KLF13: variants seen among roughly 807,000 people sequenced by gnomAD.
KLF13 encodes the protein KLF transcription factor 13, also known as Krueppel-like factor 13.
Under a neutral mutation model 16.7 loss-of-function variants are expected in KLF13, and 8 were observed. The ratio of observed to expected loss-of-function variants is 0.48; its 90% confidence interval spans 0.28 to 0.87. The LOEUF (loss-of-function observed/expected upper bound fraction) is 0.87, where lower values mean the gene tolerates loss of function less well. Among genes scored for constraint, KLF13 ranks in the 40% least tolerant of loss-of-function variants. The pLI is 0.10. For missense variants in KLF13, 447 were observed against 452.2 expected (o/e 0.99, Z 0.10); for synonymous variants, 245 against 208.4 (o/e 1.18, Z -1.51).
intron 1 of KLF13, among the ~76,000 whole-genome samples, chr15:31,384,170 G>C (rs1352741050): frequency 6.6e-6 from 1 of 152,168 alleles, no homozygotes; most frequent in Non-Finnish European, 1.5e-5. Context: ...CAGGTGAGGT[G>C]GCTCATGCCT....
chr15:31,430,175 T>A (rs2040455425), intron 1 of KLF13, among the ~76,000 whole-genome samples: 1 of 152,106 alleles, frequency 6.6e-6, no homozygotes, highest in Admixed American at 6.6e-5. Flanking sequence ...CTTTTCTTCA[T>A]CAAAGGACAC....
At chr15:31,362,252 T>G (rs2039401519) in intron 1 of KLF13, among the ~76,000 whole-genome samples, 1 of 152,240 alleles carries the variant, frequency 6.6e-6, no homozygotes, top group African/African-American at 2.4e-5. Context: ...TCTAAACTGC[T>G]GGGCCTATCA....
intron 1 of KLF13, among the ~76,000 whole-genome samples, chr15:31,411,562 A>ATT (rs542831225): frequency 0.078 from 10,746 of 137,624 alleles, 1,193 homozygotes; most frequent in African/African-American, 0.24. Context: ...CACCTGGCTA[A>ATT]TTTTTTTTTT....
At chr15:31,341,567 C>T (rs1241221393) in intron 1 of KLF13, among the ~76,000 whole-genome samples, 2 of 132,294 alleles carry the variant, frequency 1.5e-5, no homozygotes, top group African/African-American at 2.9e-5. Flanking sequence ...GGCTGGGTCT[C>T]AGTCTGTCAC....
intron 1 of KLF13, among the ~76,000 whole-genome samples, chr15:31,365,224 C>A (rs181838141): frequency 1.3e-5 from 2 of 152,084 alleles, no homozygotes; most frequent in Non-Finnish European, 2.9e-5. Context: ...GGAAGCCTCT[C>A]CCTGTGCCTC....
At chr15:31,354,002 G>T (rs1024544431) in intron 1 of KLF13, among the ~76,000 whole-genome samples, 2 of 152,252 alleles carry the variant, frequency 1.3e-5, no homozygotes, top group African/African-American at 4.8e-5. Context: ...CCAGGACCCA[G>T]GTTGTAGTGT....
At chr15:31,347,434 G>A (rs759952054) in intron 1 of KLF13, among the ~76,000 whole-genome samples, 2 of 152,184 alleles carry the variant, frequency 1.3e-5, no homozygotes, top group East Asian at 1.9e-4. Context: ...TGGCAAGCCC[G>A]CTAGAACCTG....
intron 1 of KLF13, among the ~76,000 whole-genome samples, chr15:31,362,265 C>T (rs1333639346): frequency 2.0e-5 from 3 of 152,232 alleles, no homozygotes; most frequent in Admixed American, 6.5e-5. Flanking sequence ...GCCTATCAAA[C>T]AATTTATCAG....
chr15:31,356,227 G>A (rs952980899), intron 1 of KLF13, among the ~76,000 whole-genome samples: 7 of 152,214 alleles, frequency 4.6e-5, no homozygotes, highest in African/African-American at 1.4e-4. Context: ...CCTCTTTTGT[G>A]TCCCTGTGTA....
At chr15:31,421,503 A>G (rs147026648) in intron 1 of KLF13, among the ~76,000 whole-genome samples, 20 of 152,340 alleles carry the variant, frequency 1.3e-4, no homozygotes, top group Non-Finnish European at 2.4e-4. Flanking sequence ...TGTGAAATAA[A>G]TAACATAAAG....
intron 1 of KLF13, among the ~76,000 whole-genome samples, chr15:31,435,180 C>A (rs911465037): frequency 1.3e-5 from 2 of 151,950 alleles, no homozygotes; most frequent in African/African-American, 2.4e-5. Context: ...GCTGTGGGGG[C>A]GGGGCTGTTC....
intron 2 of KLF13, among the ~76,000 whole-genome samples, chr15:31,398,293 G>C (rs1320325949): frequency 3.3e-5 from 5 of 152,180 alleles, no homozygotes; most frequent in East Asian, 3.9e-4. Context: ...GGTGTTAGGG[G>C]ACAGGGCTGC....
At chr15:31,363,195 G>A (rs533147653) in intron 1 of KLF13, among the ~76,000 whole-genome samples, 1 of 152,372 alleles carries the variant, frequency 6.6e-6, no homozygotes, top group South Asian at 2.1e-4. Flanking sequence ...AAGCTACCAA[G>A]CTGCATTTCA....
chr15:31,408,359 T>C (rs1370183399), downstream of KLF13, among the ~76,000 whole-genome samples: 1 of 152,178 alleles, frequency 6.6e-6, no homozygotes, highest in Non-Finnish European at 1.5e-5. Flanking sequence ...ACTTCTCCCC[T>C]ATCCCTCCCT....
In KLF13 at chr15:31,327,540, G is replaced by T. The variant is rs2038736102; in HGVS notation, c.328G>T (p.Ala110Ser). Residue 110 changes from alanine (A) to serine (S), a missense_variant, in exon 1 of 2, where the codon GCC (alanine) becomes TCC (serine). Physicochemically the swap from Ala to Ser is moderately conservative, Grantham distance 99. This residue lies in a region of KLF13 where 359 missense variants were observed against 282.8 expected (regional missense o/e 1.27). Transcript: ENST00000307145. ...PPAPEPTSPG[A>S]EGAAAAPPSP... ...CGCCCCCGAGCCCACCTCCCCCGGC[G>T]CCGAAGGCGCGGCGGCCGCGCCCCC... is the stretch of plus-strand genomic sequence containing the variant. 12 of 1,107,838 alleles carry T rather than the reference G, an allele frequency of 1.1e-5. No individual in the cohort carries two copies. In the South Asian group the frequency reaches 4.7e-4, roughly 44 times the overall value. The allele number at this position is 1,107,838 out of a possible 1,614,324, so 68.6% of individuals were successfully genotyped here. A position where few individuals can be genotyped will look rare whatever the true frequency, so the allele number is the denominator to read the frequency against.
chr15:31,367,882 C>T (rs1040633102), intron 1 of KLF13, among the ~76,000 whole-genome samples: 21 of 152,230 alleles, frequency 1.4e-4, no homozygotes, highest in Non-Finnish European at 2.4e-4. Flanking sequence ...TTACCGCAAA[C>T]TGGGTGGCTG....
intron 1 of KLF13, among the ~76,000 whole-genome samples, chr15:31,367,617 G>T (rs559002782): frequency 8.3e-4 from 126 of 152,286 alleles, no homozygotes; most frequent in Non-Finnish European, 1.7e-3. Context: ...TCCTCACAAG[G>T]GCTATTAGGA....
chr15:31,327,316 C>T lies in KLF13; in HGVS notation c.104C>T (p.Pro35Leu). 1.6e-6 allele frequency: 2 copies of T among 1,288,308 alleles called. No homozygotes were observed. The highest frequency in any genetic ancestry group is 2.0e-6 in the Non-Finnish European group (2 of 1,022,070). The allele number at this position is 1,288,308 out of a possible 1,614,324, so 79.8% of individuals were successfully genotyped here. ...HGPREGPESR[P>L]EGAAVAATPT... The stretch of plus-strand genomic sequence containing the variant: ...CCGCGGGAGGGGCCGGAGTCCCGGC[C>T]CGAGGGCGCGGCCGTGGCCGCCACC... Residue 35 changes from proline to leucine, a missense_variant, in exon 1 of 2, where the codon CCC becomes CTC. Pro to Leu is a moderately conservative substitution (Grantham distance 98). Coordinates refer to ENST00000307145, the MANE Select transcript of KLF13 (RefSeq NM_015995.4).
intron 1 of KLF13, among the ~76,000 whole-genome samples, chr15:31,427,224 CTAAGTA>C (rs2040410167): frequency 6.6e-6 from 1 of 151,584 alleles, no homozygotes; most frequent in Non-Finnish European, 1.5e-5. Flanking sequence ...TTTTACCTCT[CTAAGTA>C]TATGAAAAGA....
Sources: allele counts gnomAD v4.1 joint callset (sites outside exome capture counted in the v4.1 genomes callset), GRCh38; gene constraint gnomAD v4.1.1; regional missense constraint gnomAD v4.1.1; transcripts MANE v1.5; gene names NCBI Gene and HGNC (gene_info 2026-07-23, HGNC 2026-07-21).